Variants in ADAM9 observed in about 807,000 individuals in gnomAD.
ADAM9 encodes the protein disintegrin and metalloproteinase domain-containing protein 9.
ADAM9 carries 54 observed loss-of-function variants against 108.1 expected under a neutral mutation model. The observed-to-expected ratio is 0.50, with a 90% confidence interval of 0.40 to 0.63. The LOEUF is 0.63. Ranked by LOEUF, ADAM9 falls within the 20% of genes least tolerant of loss-of-function variation. The pLI, the probability that ADAM9 is intolerant of heterozygous loss-of-function variation, is 0.00. For missense variants in ADAM9, 830 were observed against 997.7 expected (o/e 0.83, Z 2.26); for synonymous variants, 316 against 336.0 (o/e 0.94, Z 0.65).
At chr8:39,066,966 A>T (rs1838499398) in intron 14 of ADAM9, among the ~76,000 whole-genome samples, 1 of 152,230 alleles carries the variant, frequency 6.6e-6, no homozygotes. Flanking sequence ...AGTTTTCTAC[A>T]TATGGCTAGC....
Position 39,007,983 on chromosome 8 carries a change from A to G in ADAM9, c.195A>G (p.Gln65=). The G allele has an allele frequency of 3.2e-6, 5 of 1,584,830 alleles. No individual in the cohort carries two copies. Among genetic ancestry groups the G allele is most frequent in the Non-Finnish European group, 4.3e-6 (5 of 1,155,220 alleles). The change falls in exon 2 of 22, where the codon CAA becomes CAG. Residue 65 remains glutamine (Q), a splice_region_variant and synonymous_variant. Coordinates refer to ENST00000487273, the MANE Select transcript of ADAM9 (RefSeq NM_003816.3). ...AAGCCCCTAGGCCCTATTCAAAACA[A>G]GTAAGTTATAATTGTTGAGAAATAA... is the stretch of plus-strand genomic sequence containing the variant. ...RREAPRPYSK[Q]VSYVIQAEGK... is the part of the protein sequence containing the mutation.
At chr8:39,052,717 C>T (rs982672767) in intron 12 of ADAM9, among the ~76,000 whole-genome samples, 2 of 152,080 alleles carry the variant, frequency 1.3e-5, no homozygotes, top group Non-Finnish European at 2.9e-5. Flanking sequence ...ACCTAAGTTC[C>T]TATATACATT....
intron 10 of ADAM9, among the ~76,000 whole-genome samples, chr8:39,026,325 A>C (rs1472821475): frequency 1.3e-5 from 2 of 151,984 alleles, no homozygotes; most frequent in African/African-American, 4.8e-5. Context: ...TCATTGTTCA[A>C]CTCCCACTTA....
intron 11 of ADAM9, among the ~76,000 whole-genome samples, chr8:39,029,048 C>T (rs1179160999): frequency 4.0e-5 from 6 of 151,326 alleles, no homozygotes; most frequent in African/African-American, 9.7e-5. Context: ...TGCATATTGA[C>T]GTTTAAATAT....
At position 39,023,251 on chromosome 8, in the gene ADAM9, G is replaced by A; in HGVS notation, c.840G>A (p.Val280=). The change falls in exon 9 of 22, where the codon GTG becomes GTA. Residue 280 remains valine, a synonymous_variant. Transcript: ENST00000487273. ...ACATAGTTGGGGGTGCTGGTGATGTGCTGGGGAACTTCGTGCAGTGGCGGG... is the reference window on the plus strand; with the variant it reads ...ACATAGTTGGGGGTGCTGGTGATGTACTGGGGAACTTCGTGCAGTGGCGGG... ...LINIVGGAGD[V]LGNFVQWREK... is the part of the protein sequence containing the mutation. 1.2e-6 allele frequency: 2 copies of A among 1,613,814 alleles called. No individual in the cohort carries two copies. Among genetic ancestry groups the A allele is most frequent in the East Asian group, 2.2e-5 (1 of 44,866 alleles).
rs75813344 is a variant in ADAM9 at position 39,074,375 on chromosome 8, T to C, written c.1698-2853T>C. Among the ~76,000 whole-genome samples, 191 of 152,238 alleles carry C rather than the reference T, an allele frequency of 1.3e-3. 1 individual carries two copies. The highest frequency in any genetic ancestry group is 4.5e-3 in the African/African-American group (187 of 41,554). ...CATTATAAAAAAGAAATTCCAAATA[T>C]ACAGAGGAGTAGAAAGAATAGTGTG... On this transcript the variant is annotated intron_variant, in intron 15 of 21. Coordinates refer to ENST00000487273, the MANE Select transcript of ADAM9 (RefSeq NM_003816.3).
rs1564300966 is a variant in ADAM9, at chr8:39,045,371, T to TATACACGC, written c.1302+3255_1302+3256insTACACGCA. The stretch of plus-strand genomic sequence containing the variant: ...GTGTGTACATACATATAGGTGTGTG[T>TATACACGC]ACATACACCTATAGGTGTGTGTACA... On this transcript the variant is annotated intron_variant, in intron 12 of 21. Coordinates refer to ENST00000487273, the MANE Select transcript of ADAM9 (RefSeq NM_003816.3). 1.1e-3 allele frequency among the ~76,000 whole-genome samples: 82 copies of TATACACGC among 73,822 alleles called. 4 individuals are homozygous for TATACACGC. The highest frequency in any genetic ancestry group is 1.8e-3 in the Non-Finnish European group (62 of 34,304). The allele number at this position is 73,822 out of a possible 152,430, so 48.4% of individuals were successfully genotyped here.
At chr8:39,083,150 T>A in intron 18 of ADAM9, 77 bp downstream of exon 18, 1 of 1,017,128 alleles carries the variant, frequency 9.8e-7, no homozygotes, top group Non-Finnish European at 1.5e-6. Flanking sequence ...TACCTCTCCC[T>A]CACTTCCCAC....
intron 14 of ADAM9, among the ~76,000 whole-genome samples, chr8:39,065,178 T>C (rs767862562): frequency 2.0e-5 from 3 of 151,842 alleles, no homozygotes; most frequent in Non-Finnish European, 2.9e-5. Flanking sequence ...TGGATTTTCT[T>C]ATCTTTCCTG....
At chr8:39,025,945 T>C in intron 10 of ADAM9, 61 bp downstream of exon 10, 1 of 1,504,646 alleles carries the variant, frequency 6.6e-7, no homozygotes, top group Admixed American at 1.7e-5. Context: ...AAGCATTTAT[T>C]GACTGTATAC....
chr8:39,086,246 C>T (rs1839178316), intron 18 of ADAM9, among the ~76,000 whole-genome samples: 3 of 152,278 alleles, frequency 2.0e-5, no homozygotes, highest in South Asian at 4.1e-4. Flanking sequence ...AAGTCCTGGC[C>T]TCAAATGATT....
At chr8:39,030,329 A>T (rs1837058693) in intron 11 of ADAM9, among the ~76,000 whole-genome samples, 1 of 152,042 alleles carries the variant, frequency 6.6e-6, no homozygotes, top group African/African-American at 2.4e-5. Context: ...TTTCCAGAAT[A>T]TCATATATTT....
At chr8:39,100,018 T>G (rs1839637143) in intron 20 of ADAM9, among the ~76,000 whole-genome samples, 1 of 151,786 alleles carries the variant, frequency 6.6e-6, no homozygotes, top group African/African-American at 2.4e-5. Context: ...TAGCTGGAAT[T>G]ACAGGCGTGC....
chr8:39,011,012 G>T (rs536485187), intron 2 of ADAM9, among the ~76,000 whole-genome samples: 1 of 150,762 alleles, frequency 6.6e-6, no homozygotes, highest in African/African-American at 2.5e-5. Flanking sequence ...AGAATTTCCT[G>T]AACCCGGGAG....
chr8:39,055,666 A>G lies in ADAM9; in HGVS notation c.1485A>G (p.Pro495=), dbSNP rs756295533. ...ATGGTTCTTCTCAGTTCTGTCAGCC[A>G]GATGTTTTTATTCAGAATGGATATC... The part of the protein sequence containing the change: ...YCNGSSQFCQ[P]DVFIQNGYPC... The change falls in exon 14 of 22, where the codon CCA becomes CCG. Residue 495 remains proline (P), a synonymous_variant. Transcript: ENST00000487273. 23 of 1,613,692 alleles carry G rather than the reference A, an allele frequency of 1.4e-5. No individual in the cohort carries two copies. The Admixed American group carries it at 3.0e-4, about 21-fold the overall frequency.
At chr8:39,085,954 T>C (rs1244523548) in intron 18 of ADAM9, among the ~76,000 whole-genome samples, 1 of 152,144 alleles carries the variant, frequency 6.6e-6, no homozygotes, top group Non-Finnish European at 1.5e-5. Flanking sequence ...CTTGGTGTTA[T>C]TTCACATGTC....
intron 20 of ADAM9, among the ~76,000 whole-genome samples, chr8:39,100,065 G>A (rs565011423): frequency 6.6e-6 from 1 of 151,606 alleles, no homozygotes; most frequent in Non-Finnish European, 1.5e-5. Context: ...TAGAGACGGG[G>A]TTTTGCCATG....
At chr8:39,068,750 G>A (rs956516471) in intron 14 of ADAM9, among the ~76,000 whole-genome samples, 1 of 147,368 alleles carries the variant, frequency 6.8e-6, no homozygotes, top group Non-Finnish European at 1.5e-5. Flanking sequence ...GGAAACAGGA[G>A]GTGAGGGAAA....
chr8:39,049,003 T>G (rs1053387435), intron 12 of ADAM9, among the ~76,000 whole-genome samples: 16 of 151,326 alleles, frequency 1.1e-4, no homozygotes, highest in African/African-American at 2.4e-4. Flanking sequence ...ATATAGTTTT[T>G]TTTTTTTTTT....
Sources: gnomAD v4.1 joint callset for allele counts (sites outside exome capture counted in the v4.1 genomes callset) on GRCh38, gnomAD v4.1.1 for gene constraint, MANE v1.5 for transcripts, NCBI Gene and HGNC (gene_info 2026-07-23, HGNC 2026-07-21) for gene names.